The following PDE1C variants were observed in gnomAD, a reference collection of about 807,000 sequenced individuals.
The protein encoded by PDE1C is dual specificity calcium/calmodulin-dependent 3',5'-cyclic nucleotide phosphodiesterase 1C.
PDE1C carries 62 observed loss-of-function variants against 93.1 expected under a neutral mutation model. The observed-to-expected ratio is 0.67, with a 90% CI of 0.54 to 0.82. The LOEUF is 0.82. PDE1C is among the 40% of genes least tolerant of loss of function. The probability of loss-of-function intolerance (pLI) is 0.00; values close to 1 mark genes in which losing one functional copy is unlikely to be tolerated. For missense variants in PDE1C, 742 were observed against 884.6 expected, an observed-to-expected ratio of 0.84 and a Z score of 2.04; for synonymous variants, 325 against 310.1, an observed-to-expected ratio of 1.05 and a Z score of -0.50.
intron 1 of PDE1C, among the ~76,000 whole-genome samples, chr7:32,294,388 C>A (rs1176657208): frequency 3.3e-5 from 5 of 152,214 alleles, no homozygotes; most frequent in Non-Finnish European, 7.3e-5. Context: ...CTTTGACATT[C>A]ACTCCGCTAA....
chr7:32,348,648 C>A (rs2128082174), intron 1 of PDE1C, among the ~76,000 whole-genome samples: 1 of 152,264 alleles, frequency 6.6e-6, no homozygotes, highest in Middle Eastern at 3.4e-3. Context: ...CAGGCATGAG[C>A]CACCACGCCC....
the PDE1C span, among the ~76,000 whole-genome samples, chr7:31,637,829 A>G: frequency 2.6e-5 from 4 of 152,156 alleles, no homozygotes; most frequent in African/African-American, 9.7e-5. Flanking sequence ...TGTCCTGAAC[A>G]GTATTGCCTA....
intron 1 of PDE1C, among the ~76,000 whole-genome samples, chr7:32,397,277 C>A (rs892108992): frequency 2.0e-5 from 3 of 151,770 alleles, no homozygotes; most frequent in Non-Finnish European, 4.4e-5. Flanking sequence ...GCCAGAAACC[C>A]AGAAAAAAAT....
In PDE1C at chr7:31,996,066, GACACACACACAC is replaced by G. The variant is rs3078631; in HGVS notation, c.128+55476_128+55487del. Among the ~76,000 whole-genome samples the G allele has an allele frequency of 4.6e-3, 642 of 138,640 alleles. 3 individuals carry two copies. Among genetic ancestry groups the G allele is most frequent in the Non-Finnish European group, 6.7e-3 (426 of 63,796 alleles). The allele number at this position is 138,640 out of a possible 152,430, so 91.0% of individuals were successfully genotyped here. A position where few individuals can be genotyped will look rare whatever the true frequency, so the allele number is the denominator to read the frequency against. On this transcript the variant is annotated intron_variant, in intron 2 of 17. Coordinates refer to ENST00000396191, the MANE Select transcript of PDE1C (RefSeq NM_001191057.4). ...AACCATCTGTCTCTTTACGCTTCCGGACACACACACACACACACACACACACACACACACACA... is the reference window on the plus strand; with the variant it reads ...AACCATCTGTCTCTTTACGCTTCCGGACACACACACACACACACACACACA...
chr7:32,110,125 A>C (rs1444566540), intron 3 of PDE1C, among the ~76,000 whole-genome samples: 1 of 152,140 alleles, frequency 6.6e-6, no homozygotes, highest in African/African-American at 2.4e-5. Flanking sequence ...CTGCTTTTGT[A>C]AATAACATTT....
the PDE1C span, among the ~76,000 whole-genome samples, chr7:31,673,973 C>T: frequency 1.3e-5 from 2 of 152,244 alleles, no homozygotes; most frequent in South Asian, 2.1e-4. Context: ...CTTGCTGGGG[C>T]ATGCATTTCA....
chr7:32,380,771 C>A (rs953899795), intron 1 of PDE1C, among the ~76,000 whole-genome samples: 1 of 152,104 alleles, frequency 6.6e-6, no homozygotes, highest in Non-Finnish European at 1.5e-5. Flanking sequence ...AACTCACTGG[C>A]CACTCCTTCT....
At chr7:32,377,708 G>T (rs976979616) in intron 1 of PDE1C, among the ~76,000 whole-genome samples, 3 of 152,130 alleles carry the variant, frequency 2.0e-5, no homozygotes, top group African/African-American at 7.2e-5. Context: ...ATGGAGAATT[G>T]AGACACAAAG....
the PDE1C span, among the ~76,000 whole-genome samples, chr7:31,694,739 AGAG>A: frequency 6.6e-6 from 1 of 152,194 alleles, no homozygotes; most frequent in South Asian, 2.1e-4. Context: ...AAGAGGGAGC[AGAG>A]GAGAGACTTG....
At position 31,991,424 on chromosome 7, in the gene PDE1C, C is replaced by G. The variant is rs114739951; in HGVS notation, c.128+60130G>C. 3.0e-3 allele frequency among the ~76,000 whole-genome samples: 460 copies of G among 152,254 alleles called. 4 individuals are homozygous for G. The highest frequency in any genetic ancestry group is 0.01 in the African/African-American group (429 of 41,524). The stretch of plus-strand genomic sequence containing the variant: ...AAGGAAAGAGCTAGGGCTTTGAACT[C>G]AAACAGACTAGGGTCATGTCAGATT... On this transcript the variant is annotated intron_variant, in intron 2 of 17. Coordinates refer to ENST00000396191, the MANE Select transcript of PDE1C (RefSeq NM_001191057.4).
intron 2 of PDE1C, among the ~76,000 whole-genome samples, chr7:31,963,234 G>A (rs1217846601): frequency 6.6e-6 from 1 of 151,818 alleles, no homozygotes; most frequent in Non-Finnish European, 1.5e-5. Flanking sequence ...AATCCTCACA[G>A]TAAGTCTTAT....
intron 2 of PDE1C, among the ~76,000 whole-genome samples, chr7:32,172,231 A>G (rs1366742857): frequency 6.6e-6 from 1 of 152,124 alleles, no homozygotes; most frequent in East Asian, 1.9e-4. Flanking sequence ...GCACAAAGAC[A>G]CTGTCAGGTT....
At chr7:32,022,963 C>CTT (rs113917693) in intron 2 of PDE1C, among the ~76,000 whole-genome samples, 5 of 144,546 alleles carry the variant, frequency 3.5e-5, no homozygotes, top group African/African-American at 1.3e-4. Flanking sequence ...CCTTCTATTT[C>CTT]TTTTTTTTTT....
At chr7:31,719,999 A>G in the PDE1C span, among the ~76,000 whole-genome samples, 1 of 148,626 alleles carries the variant, frequency 6.7e-6, no homozygotes, top group Admixed American at 6.6e-5. Flanking sequence ...CGTCTCTACT[A>G]AAAAATACAA....
intron 2 of PDE1C, among the ~76,000 whole-genome samples, chr7:31,901,604 C>A (rs566189508): frequency 6.6e-6 from 1 of 151,006 alleles, no homozygotes; most frequent in East Asian, 2.0e-4. Context: ...AATTTGAGAA[C>A]TTATTATATA....
At chr7:32,328,345 G>T (rs1585111105) in intron 1 of PDE1C, among the ~76,000 whole-genome samples, 2 of 152,128 alleles carry the variant, frequency 1.3e-5, no homozygotes, top group South Asian at 4.2e-4. Flanking sequence ...AAAAACCAGA[G>T]AAATATTATC....
intron 1 of PDE1C, among the ~76,000 whole-genome samples, chr7:32,277,734 T>C (rs986062553): frequency 2.6e-5 from 4 of 152,172 alleles, no homozygotes; most frequent in African/African-American, 4.8e-5. Flanking sequence ...CCTATCCTCA[T>C]CCCTAACTCT....
chr7:32,198,429 T>C (rs1804765438), intron 2 of PDE1C, among the ~76,000 whole-genome samples: 1 of 152,242 alleles, frequency 6.6e-6, no homozygotes, highest in Non-Finnish European at 1.5e-5. Context: ...TAAAAGCTTA[T>C]ATCTCTGTTA....
chr7:32,123,418 A>AAT (rs895120772), intron 3 of PDE1C, among the ~76,000 whole-genome samples: 3 of 152,048 alleles, frequency 2.0e-5, no homozygotes, highest in Non-Finnish European at 2.9e-5. Context: ...ACAAAAAAAA[A>AAT]CTTCAGACCA....
Sources: gnomAD v4.1 joint callset for allele counts (sites outside exome capture counted in the v4.1 genomes callset) on GRCh38, gnomAD v4.1.1 for gene constraint, MANE v1.5 for transcripts, NCBI Gene and HGNC (gene_info 2026-07-23, HGNC 2026-07-21) for gene names.